The following DNAAF4 variants were observed in gnomAD, a reference collection of about 807,000 sequenced individuals.
DNAAF4 encodes the protein dynein assembly factor 4, axonemal.
A neutral mutation model predicts 51.8 loss-of-function variants in DNAAF4; 43 were observed. The observed-to-expected ratio is 0.83, with a 90% confidence interval of 0.65 to 1.07. DNAAF4 has a LOEUF of 1.07. Among genes scored for constraint, DNAAF4 ranks in the 50% least tolerant of loss-of-function variants. DNAAF4 has a pLI of 0.00. For missense variants in DNAAF4, 581 were observed against 493.0 expected (o/e 1.18, Z -1.69); for synonymous variants, 194 against 165.6 (o/e 1.17, Z -1.32).
At chr15:55,458,271 C>T (rs1169502334) in intron 5 of DNAAF4, among the ~76,000 whole-genome samples, 1 of 151,422 alleles carries the variant, frequency 6.6e-6, no homozygotes, top group Non-Finnish European at 1.5e-5. Flanking sequence ...TGAAAATCAA[C>T]TTAAAGAAAT....
intron 4 of DNAAF4, among the ~76,000 whole-genome samples, chr15:55,489,674 C>CAAAAA (rs756823133): frequency 1.2e-5 from 1 of 80,828 alleles, no homozygotes; most frequent in African/African-American, 3.9e-5. Context: ...GACACCATTT[C>CAAAAA]AAAAAAAAAA....
At chr15:55,461,868 C>T (rs78979649) in intron 5 of DNAAF4, among the ~76,000 whole-genome samples, 26 of 152,086 alleles carry the variant, frequency 1.7e-4, no homozygotes, top group African/African-American at 5.8e-4. Context: ...AAAAGACAAA[C>T]AAAACTGATA....
intron 1 of DNAAF4, among the ~76,000 whole-genome samples, chr15:55,506,648 T>G (rs2058728835): frequency 6.6e-6 from 1 of 152,052 alleles, no homozygotes; most frequent in African/African-American, 2.4e-5. Flanking sequence ...TAGGAAACAT[T>G]TATAGGTGTT....
At chr15:55,427,729 G>A (rs867114335), downstream of DNAAF4, among the ~76,000 whole-genome samples, 13 of 151,496 alleles carry the variant, frequency 8.6e-5, no homozygotes, top group South Asian at 2.1e-4. Context: ...TCCGCCTCCC[G>A]GGTTCAAGGG....
downstream of DNAAF4, among the ~76,000 whole-genome samples, chr15:55,427,596 A>G (rs1478342711): frequency 1.3e-5 from 2 of 151,804 alleles, no homozygotes; most frequent in African/African-American, 4.8e-5. Flanking sequence ...TCTTAGGAGC[A>G]GTTTAGGGAG....
At chr15:55,472,524 A>C (rs1259807716) in intron 4 of DNAAF4, among the ~76,000 whole-genome samples, 1 of 152,048 alleles carries the variant, frequency 6.6e-6, no homozygotes, top group East Asian at 1.9e-4. Flanking sequence ...AGGCTGAGGC[A>C]GGAGAATCAC....
At chr15:55,501,975 G>A (rs544009380) in intron 1 of DNAAF4, among the ~76,000 whole-genome samples, 34 of 151,892 alleles carry the variant, frequency 2.2e-4, no homozygotes, top group African/African-American at 7.5e-4. Flanking sequence ...CCTGGGAGGC[G>A]GAAGTTGCAT....
chr15:55,456,160 ACCTCCACCTC>A (rs1336946679), intron 5 of DNAAF4, among the ~76,000 whole-genome samples: 4 of 151,344 alleles, frequency 2.6e-5, no homozygotes, highest in Admixed American at 1.3e-4. Flanking sequence ...CTTCACTGCA[ACCTCCACCTC>A]CCTGGGTTCA....
At chr15:55,419,805 G>T (rs752395824) in intron 7 of DNAAF4, among the ~76,000 whole-genome samples, 1 of 151,952 alleles carries the variant, frequency 6.6e-6, no homozygotes, top group African/African-American at 2.4e-5. Flanking sequence ...AAGACCGACC[G>T]GCCTGGCCAA....
At chr15:55,447,383 G>A (rs1206713398) in intron 6 of DNAAF4, among the ~76,000 whole-genome samples, 4 of 152,106 alleles carry the variant, frequency 2.6e-5, no homozygotes, top group Admixed American at 6.6e-5. Context: ...TGGCGGCCAG[G>A]CAGAGGCTGT....
Position 55,432,530 on chromosome 15 carries a change from T to C in DNAAF4, c.1120A>G (p.Thr374Ala). 1 of 1,612,408 alleles carries C rather than the reference T, an allele frequency of 6.2e-7. No homozygotes were observed. Among genetic ancestry groups the C allele is most frequent in the Non-Finnish European group, 8.5e-7 (1 of 1,178,850 alleles). Residue 374 changes from threonine to alanine, a missense_variant, in exon 9 of 10, where the codon ACA becomes GCA. Transcript: ENST00000321149. ...ARMKAHVRRG[T>A]AFCQLELYVE... ...TACAATTCTAGTTGACAGAATGCTGTTCCACGTCGTACATGTGCCTTCATT... is the reference window on the plus strand; with the variant it reads ...TACAATTCTAGTTGACAGAATGCTGCTCCACGTCGTACATGTGCCTTCATT...
chr15:55,445,521 G>A (rs1175557112), intron 6 of DNAAF4, among the ~76,000 whole-genome samples: 3 of 151,936 alleles, frequency 2.0e-5, no homozygotes, highest in East Asian at 1.9e-4. Flanking sequence ...AACCGCCATC[G>A]TCATCATGGC....
rs547687130 is a variant in DNAAF4, at chr15:55,473,369, G to A, written c.406-6208C>T. Among the ~76,000 whole-genome samples, 69 of 130,902 alleles carry A rather than the reference G, an allele frequency of 5.3e-4. 2 individuals are homozygous for A. Among genetic ancestry groups the A allele is most frequent in the African/African-American group, 1.5e-3 (49 of 32,840 alleles). 85.9% of individuals were successfully genotyped at this position (130,902 alleles called of 152,430 possible). A position where few individuals can be genotyped will look rare whatever the true frequency, so the allele number is the denominator to read the frequency against. On this transcript the variant is annotated intron_variant, in intron 4 of 9. Transcript: ENST00000321149. ...TATGTGTGTATATATATGTGTGTGT[G>A]TATATATATATATATGCAAACTTAA...
At chr15:55,452,244 T>TAAAAAAAA (rs57692277) in intron 5 of DNAAF4, among the ~76,000 whole-genome samples, 11 of 53,610 alleles carry the variant, frequency 2.1e-4, no homozygotes, top group Non-Finnish European at 2.1e-4. Flanking sequence ...CATGTCTCAC[T>TAAAAAAAA]AAAAAAAAAA....
chr15:55,443,280 C>T (rs1425592172), intron 6 of DNAAF4: 40 of 1,523,066 alleles, frequency 2.6e-5, no homozygotes, highest in Admixed American at 5.6e-5. Context: ...GCTCACTACC[C>T]GGCAGGCGCC....
Position 55,500,359 on chromosome 15 carries a change from AC to A in DNAAF4, c.-255-1776del, listed in dbSNP as rs540732383. ...GCTGAGAAACCCACGAATCCCATGGACTTTTTTAAAAAAATTTCTTTTGTCA... is the reference window on the plus strand; with the variant it reads ...GCTGAGAAACCCACGAATCCCATGGATTTTTTAAAAAAATTTCTTTTGTCA... On this transcript the variant is annotated intron_variant, in intron 1 of 9. Transcript: ENST00000321149. Among the ~76,000 whole-genome samples, 95 of 151,100 alleles carry A rather than the reference AC, an allele frequency of 6.3e-4. 1 individual carries two copies. Among genetic ancestry groups the A allele is most frequent in the African/African-American group, 2.3e-3 (93 of 40,452 alleles).
intron 7 of DNAAF4, among the ~76,000 whole-genome samples, chr15:55,436,081 C>T (rs546163923): frequency 6.6e-6 from 1 of 152,294 alleles, no homozygotes; most frequent in Admixed American, 6.5e-5. Flanking sequence ...AGCCATTGCG[C>T]CCGGCCCTAT....
chr15:55,453,487 T>C (rs1264674222), intron 5 of DNAAF4, among the ~76,000 whole-genome samples: 1 of 145,606 alleles, frequency 6.9e-6, no homozygotes, highest in Non-Finnish European at 1.5e-5. Flanking sequence ...CAGGCTAACA[T>C]CAATAATGAA....
At chr15:55,439,426 G>A (rs375027668) in intron 7 of DNAAF4, 46 bp downstream of exon 7, 19 of 1,503,346 alleles carry the variant, frequency 1.3e-5, no homozygotes, top group Non-Finnish European at 1.8e-5. Context: ...AACTGCTAAT[G>A]TCTTCATACA....
Sources: gnomAD v4.1 joint callset for allele counts (sites outside exome capture counted in the v4.1 genomes callset) on GRCh38, gnomAD v4.1.1 for gene constraint, MANE v1.5 for transcripts, NCBI Gene and HGNC (gene_info 2026-07-23, HGNC 2026-07-21) for gene names.